IL1RAPL1: variants seen among roughly 807,000 people sequenced by gnomAD.
IL1RAPL1 encodes the protein interleukin 1 receptor accessory protein like 1.
In IL1RAPL1, 3 loss-of-function variants were observed where a neutral mutation model predicts 48.4. The ratio of observed to expected loss-of-function variants is 0.06; its 90% CI spans 0.03 to 0.16. IL1RAPL1 has a LOEUF of 0.16. Among genes scored for constraint, IL1RAPL1 ranks in the 10% least tolerant of loss-of-function variants. The pLI, the probability that IL1RAPL1 is intolerant of heterozygous loss-of-function variation, is 1.00. For synonymous variants in IL1RAPL1, 185 were observed against 187.7 expected (o/e 0.99, Z 0.12); for missense variants, 349 against 530.6 (o/e 0.66, Z 3.36).
At chrX:28,995,856 C>T (rs1412454053) in intron 2 of IL1RAPL1, among the ~76,000 whole-genome samples, 1 of 109,619 alleles carries the variant, frequency 9.1e-6, no homozygotes, top group South Asian at 4.0e-4. Flanking sequence ...GCTTCCTTTG[C>T]GTTAATGCAA....
intron 5 of IL1RAPL1, among the ~76,000 whole-genome samples, chrX:29,412,713 A>G (rs984469354): frequency 8.9e-6 from 1 of 112,056 alleles, no homozygotes; most frequent in Non-Finnish European, 1.9e-5. Context: ...AGGGAAACAC[A>G]CAAGACCAAG....
chrX:29,575,130 G>A (rs756753783), intron 5 of IL1RAPL1, among the ~76,000 whole-genome samples: 1 of 111,718 alleles, frequency 9.0e-6, no homozygotes, highest in Admixed American at 9.5e-5. Flanking sequence ...AACCAGTCCC[G>A]AAGCTGCTTC....
rs188226976 is a variant in IL1RAPL1, at chrX:29,514,367, T to C, written c.703+115059T>C. On this transcript the variant is annotated intron_variant, in intron 5 of 10. Transcript: ENST00000378993. ...ACACTTTCAGATAACATATGTTTAA[T>C]GAAAACACAATGATGTGCTGAGTTT... Among the ~76,000 whole-genome samples, 21 of 112,766 alleles carry C rather than the reference T, an allele frequency of 1.9e-4. No individual in the cohort carries two copies. In the East Asian group the frequency reaches 5.8e-3, roughly 31 times the overall value.
At chrX:28,813,527 C>T (rs1936819010) in intron 2 of IL1RAPL1, among the ~76,000 whole-genome samples, 2 of 111,033 alleles carry the variant, frequency 1.8e-5, no homozygotes, top group African/African-American at 6.5e-5. Context: ...ATGGAGTATT[C>T]TATAATGTCA....
intron 2 of IL1RAPL1, among the ~76,000 whole-genome samples, chrX:29,112,946 G>A (rs146016870): frequency 0.015 from 1,677 of 109,808 alleles, 18 homozygotes; most frequent in Non-Finnish European, 0.02. Context: ...GATTACAAGC[G>A]TGTGCCACCA....
intron 3 of IL1RAPL1, among the ~76,000 whole-genome samples, chrX:29,356,362 T>G (rs1933302244): frequency 9.1e-6 from 1 of 109,444 alleles, no homozygotes; most frequent in Non-Finnish European, 1.9e-5. Context: ...TTTTGTAAAA[T>G]TTGTGTTGTT....
rs774169257 is a variant in IL1RAPL1, at chrX:29,170,357, G to A, written c.83-112581G>A. 5.4e-5 allele frequency among the ~76,000 whole-genome samples: 6 copies of A among 111,414 alleles called. No individual in the cohort carries two copies. The South Asian group carries it at 1.5e-3, about 28-fold the overall frequency. On this transcript the variant is annotated intron_variant, in intron 2 of 10. Coordinates refer to ENST00000378993, the MANE Select transcript of IL1RAPL1 (RefSeq NM_014271.4). Reference sequence around the variant, plus strand: ...AGGAAAAATAGTAGATATAACCTATGAATCTTATTATTCATCAAAAAGACA... The same window carrying A: ...AGGAAAAATAGTAGATATAACCTATAAATCTTATTATTCATCAAAAAGACA...
intron 1 of IL1RAPL1, among the ~76,000 whole-genome samples, chrX:28,753,303 C>T (rs1007585171): frequency 1.8e-5 from 2 of 112,313 alleles, no homozygotes; most frequent in Non-Finnish European, 3.8e-5. Context: ...CACGTGCTTG[C>T]CTATTGAATT....
chrX:28,766,966 A>G (rs1936247876), intron 1 of IL1RAPL1, among the ~76,000 whole-genome samples: 1 of 111,452 alleles, frequency 9.0e-6, no homozygotes, highest in Non-Finnish European at 1.9e-5. Flanking sequence ...GTTGCTTTCA[A>G]ATCTTAGCTA....
chrX:29,206,864 T>C, intron 2 of IL1RAPL1, among the ~76,000 whole-genome samples: 1 of 112,008 alleles, frequency 8.9e-6, no homozygotes, highest in East Asian at 2.8e-4. Context: ...ATACACAAAA[T>C]ACATGCCATA....
rs1459850885 is a variant in IL1RAPL1, at chrX:29,162,149, T to C, written c.83-120789T>C. On this transcript the variant is annotated intron_variant, in intron 2 of 10. Coordinates refer to ENST00000378993, the MANE Select transcript of IL1RAPL1 (RefSeq NM_014271.4). ...ACATGTTCTCACTCATAAGTGGGAG[T>C]TGAACAATGAGAACACATGGACACA... Among the ~76,000 whole-genome samples, 3 of 109,712 alleles carry C rather than the reference T, an allele frequency of 2.7e-5. No individual in the cohort carries two copies. The Admixed American group carries it at 2.9e-4, about 11-fold the overall frequency.
At chrX:29,842,762 T>G (rs1931161021) in intron 6 of IL1RAPL1, among the ~76,000 whole-genome samples, 1 of 112,269 alleles carries the variant, frequency 8.9e-6, no homozygotes, top group Non-Finnish European at 1.9e-5. Context: ...AACGGAGACT[T>G]CAGTTTCCTG....
chrX:29,344,831 T>C (rs1933129806), intron 3 of IL1RAPL1, among the ~76,000 whole-genome samples: 1 of 111,483 alleles, frequency 9.0e-6, no homozygotes, highest in African/African-American at 3.3e-5. Context: ...AGAGGCAGGG[T>C]TTCACCATAT....
At chrX:29,562,150 C>G (rs1200372844) in intron 5 of IL1RAPL1, among the ~76,000 whole-genome samples, 1 of 97,964 alleles carries the variant, frequency 1.0e-5, no homozygotes, top group Non-Finnish European at 2.0e-5. Flanking sequence ...ATCTATCTAT[C>G]TATCTATCTA....
chrX:29,719,106 C>T (rs1333720443), intron 6 of IL1RAPL1, among the ~76,000 whole-genome samples: 3 of 111,443 alleles, frequency 2.7e-5, no homozygotes, highest in East Asian at 5.7e-4. Flanking sequence ...CTTGTTGATA[C>T]GTGCTTTTGA....
intron 5 of IL1RAPL1, among the ~76,000 whole-genome samples, chrX:29,488,984 C>T (rs1935127476): frequency 9.0e-6 from 1 of 110,647 alleles, no homozygotes; most frequent in Admixed American, 9.6e-5. Context: ...GACATTTAAG[C>T]CTAAAACCAC....
At chrX:28,803,267 A>G (rs1471919365) in intron 2 of IL1RAPL1, among the ~76,000 whole-genome samples, 1 of 111,836 alleles carries the variant, frequency 8.9e-6, no homozygotes, top group Non-Finnish European at 1.9e-5. Context: ...GTTGCTCACT[A>G]TTATAAATAA....
chrX:28,840,499 G>T (rs1921341000), intron 2 of IL1RAPL1, among the ~76,000 whole-genome samples: 1 of 109,490 alleles, frequency 9.1e-6, no homozygotes, highest in East Asian at 2.9e-4. Flanking sequence ...GGGTAAATGG[G>T]GTATCTATCA....
chrX:29,628,006 A>G (rs1243652842), intron 5 of IL1RAPL1, among the ~76,000 whole-genome samples: 1 of 112,367 alleles, frequency 8.9e-6, no homozygotes, highest in Non-Finnish European at 1.9e-5. Flanking sequence ...ACAGCTGTAC[A>G]TTTAGTTGCC....
Sources: allele counts gnomAD v4.1 joint callset (sites outside exome capture counted in the v4.1 genomes callset), GRCh38; gene constraint gnomAD v4.1.1; transcripts MANE v1.5; gene names NCBI Gene and HGNC (gene_info 2026-07-23, HGNC 2026-07-21).